The following NUP43 variants were observed in gnomAD, a reference collection of about 807,000 sequenced individuals.
NUP43 encodes the protein nucleoporin Nup43.
Under a neutral mutation model 47.3 loss-of-function variants are expected in NUP43, and 32 were observed. That is an observed-to-expected ratio of 0.68 (90% confidence interval 0.51 to 0.91). The LOEUF (loss-of-function observed/expected upper bound fraction) is 0.91, where lower values mean the gene tolerates loss of function less well. Ranked by LOEUF, NUP43 falls within the 40% of genes least tolerant of loss-of-function variation. NUP43 has a pLI of 0.00. For synonymous variants in NUP43, 147 were observed against 158.4 expected, an observed-to-expected ratio of 0.93 and a Z score of 0.54; for missense variants, 444 against 453.9, an observed-to-expected ratio of 0.98 and a Z score of 0.20.
At chr6:149,736,377 G>A (rs1785357768) in intron 6 of NUP43, 94 bp downstream of exon 6, 1 of 808,546 alleles carries the variant, frequency 1.2e-6, no homozygotes, top group Non-Finnish European at 1.8e-6. Context: ...AAGCTATGAT[G>A]TAAAATGATC....
upstream of NUP43, among the ~76,000 whole-genome samples, chr6:149,747,778 G>A (rs1345947703): frequency 1.3e-5 from 2 of 152,150 alleles, no homozygotes; most frequent in Non-Finnish European, 2.9e-5. Context: ...GGGCCATTAT[G>A]CTACTGTTGT....
chr6:149,734,303 G>A (rs1785209622), intron 6 of NUP43, among the ~76,000 whole-genome samples: 1 of 151,868 alleles, frequency 6.6e-6, no homozygotes. Context: ...CTGCACTCCA[G>A]CCTGGGCAAC....
At chr6:149,749,113 C>G (rs957060376), upstream of NUP43, among the ~76,000 whole-genome samples, 8 of 151,666 alleles carry the variant, frequency 5.3e-5, no homozygotes, top group Non-Finnish European at 1.2e-4. Flanking sequence ...AGCTTTGCCC[C>G]AACCCCCACC....
At chr6:149,740,716 G>A (rs62441282) in intron 4 of NUP43, among the ~76,000 whole-genome samples, 21,648 of 152,108 alleles carry the variant, frequency 0.14, 2,001 homozygotes, top group Non-Finnish European at 0.2. Context: ...TAGAGTGGTC[G>A]ACAGTTAAAA....
In NUP43 at chr6:149,726,396, C is replaced by CAAA. The variant is rs11305807; in HGVS notation, c.*570_*572dup. 6.3e-5 allele frequency: 6 copies of CAAA among 94,638 alleles called. No individual in the cohort carries two copies. Among genetic ancestry groups the CAAA allele is most frequent in the Admixed American group, 1.1e-4 (1 of 8,884 alleles). 5.9% of individuals were successfully genotyped at this position (94,638 alleles called of 1,614,324 possible). The stretch of plus-strand genomic sequence containing the variant: ...ACTCCAGCAGAGCAAGACTCTGCCT[C>CAAA]AAAAAAAAAAAAAAAAAAAAATTGA... On this transcript the variant is annotated 3_prime_UTR_variant, in exon 8 of 8. Coordinates refer to ENST00000340413, the MANE Select transcript of NUP43 (RefSeq NM_198887.3).
intron 2 of NUP43, among the ~76,000 whole-genome samples, chr6:149,744,202 AG>A (rs1785834393): frequency 6.6e-6 from 1 of 152,058 alleles, no homozygotes; most frequent in Non-Finnish European, 1.5e-5. Flanking sequence ...TGACAGAGCA[AG>A]ACTCAGTTTC....
chr6:149,742,582 A>G lies in NUP43; in HGVS notation c.322-12T>C. 1 of 1,609,246 alleles carries G rather than the reference A, an allele frequency of 6.2e-7. No homozygotes were observed. Among genetic ancestry groups the G allele is most frequent in the Non-Finnish European group, 8.5e-7 (1 of 1,176,086 alleles). Reference sequence around the variant, plus strand: ...TTGACTGACAGAGTCTAGGCATCAGAAATGAGGATACTATTAAAGCAAAGT... The same window carrying G: ...TTGACTGACAGAGTCTAGGCATCAGGAATGAGGATACTATTAAAGCAAAGT... On this transcript the variant is annotated splice_polypyrimidine_tract_variant and intron_variant, in intron 3 of 7. Coordinates refer to ENST00000340413, the MANE Select transcript of NUP43 (RefSeq NM_198887.3).
intron 5 of NUP43, among the ~76,000 whole-genome samples, chr6:149,737,030 C>G (rs899082554): frequency 2.0e-5 from 3 of 151,974 alleles, no homozygotes; most frequent in Admixed American, 1.3e-4. Flanking sequence ...GTGGCTCACA[C>G]CTGTAATCCC....
At chr6:149,745,828 T>C in intron 2 of NUP43, 112 bp downstream of exon 2, 1 of 893,288 alleles carries the variant, frequency 1.1e-6, no homozygotes, top group Non-Finnish European at 1.7e-6. Flanking sequence ...TACAGAGCAC[T>C]CAGTTTTCTG....
chr6:149,730,220 G>T (rs1387402584), intron 7 of NUP43, among the ~76,000 whole-genome samples: 4 of 151,548 alleles, frequency 2.6e-5, no homozygotes, highest in Non-Finnish European at 5.9e-5. Flanking sequence ...TGTTGGTCAG[G>T]CTGGTCTCGA....
intron 6 of NUP43, among the ~76,000 whole-genome samples, chr6:149,732,551 GA>G (rs957813735): frequency 3.2e-4 from 36 of 113,256 alleles, no homozygotes; most frequent in South Asian, 1.1e-3. Context: ...CTGTCTCAAG[GA>G]AAAAAAAAAA....
chr6:149,747,370 G>A (rs971633652), upstream of NUP43, among the ~76,000 whole-genome samples: 2 of 151,572 alleles, frequency 1.3e-5, no homozygotes, highest in South Asian at 2.1e-4. Context: ...CTCTGCCTCC[G>A]CCTCCCAGGT....
chr6:149,730,400 G>A (rs1784977266), intron 7 of NUP43, among the ~76,000 whole-genome samples: 1 of 152,154 alleles, frequency 6.6e-6, no homozygotes, highest in Non-Finnish European at 1.5e-5. Flanking sequence ...CAATATGAAA[G>A]ATTTGCCACT....
At chr6:149,733,339 TG>T (rs1354497452) in intron 6 of NUP43, among the ~76,000 whole-genome samples, 1 of 152,198 alleles carries the variant, frequency 6.6e-6, no homozygotes. Flanking sequence ...ATTTTTTATT[TG>T]TTGATTATTT....
At chr6:149,732,182 A>AG (rs1220904023) in intron 6 of NUP43, among the ~76,000 whole-genome samples, 19 of 109,684 alleles carry the variant, frequency 1.7e-4, no homozygotes, top group Middle Eastern at 4.5e-3. Flanking sequence ...ACACTGTCTG[A>AG]GAAAAAAAAA....
upstream of NUP43, among the ~76,000 whole-genome samples, chr6:149,748,550 C>A (rs900496717): frequency 1.3e-5 from 2 of 152,130 alleles, no homozygotes; most frequent in African/African-American, 4.8e-5. Context: ...TGGCTCATGC[C>A]TGTAATCCCA....
intron 1 of NUP43, 144 bp downstream of exon 1, chr6:149,746,232 G>A (rs1785988832): frequency 7.3e-7 from 1 of 1,371,950 alleles, no homozygotes; most frequent in African/African-American, 1.4e-5. Flanking sequence ...CTGAGCTACG[G>A]AGCAACCGCG....
chr6:149,743,758 G>T, intron 2 of NUP43, 43 bp from the exon 3 acceptor site: 1 of 1,237,264 alleles, frequency 8.1e-7, no homozygotes, highest in Non-Finnish European at 1.2e-6. Flanking sequence ...AGAAATATTA[G>T]CAGGGAGGAA....
At chr6:149,740,645 A>C (rs1182803674) in intron 4 of NUP43, among the ~76,000 whole-genome samples, 1 of 152,072 alleles carries the variant, frequency 6.6e-6, no homozygotes, top group East Asian at 1.9e-4. Flanking sequence ...AAACAAACAA[A>C]ACACACACAT....
Sources: gnomAD v4.1 joint callset for allele counts (sites outside exome capture counted in the v4.1 genomes callset) on GRCh38, gnomAD v4.1.1 for gene constraint, MANE v1.5 for transcripts, NCBI Gene and HGNC (gene_info 2026-07-23, HGNC 2026-07-21) for gene names.